The following TNS1 variants were observed in gnomAD, a reference collection of about 807,000 sequenced individuals.
The protein encoded by TNS1 is tensin 1.
Under a neutral mutation model 168.6 loss-of-function variants are expected in TNS1, and 62 were observed. The ratio of observed to expected loss-of-function variants is 0.37; its 90% CI spans 0.30 to 0.45. TNS1 has a LOEUF of 0.45. Ranked by LOEUF, TNS1 falls within the 20% of genes least tolerant of loss-of-function variation. The pLI is 1.00. For synonymous variants in TNS1, 934 were observed against 933.2 expected (o/e 1.00, Z -0.02); for missense variants, 2,240 against 2,339.4 (o/e 0.96, Z 0.88).
intron 19 of TNS1, among the ~76,000 whole-genome samples, chr2:217,837,780 C>T (rs531890153): frequency 3.3e-5 from 5 of 152,346 alleles, no homozygotes; most frequent in Non-Finnish European, 7.3e-5. Context: ...AGCCCTTATT[C>T]GCAGAACAGA....
chr2:217,820,903 A>AC (rs1942746729), intron 23 of TNS1, among the ~76,000 whole-genome samples: 1 of 151,852 alleles, frequency 6.6e-6, no homozygotes, highest in Admixed American at 6.6e-5. Flanking sequence ...CCACCCAGGC[A>AC]TCCCCTAATG....
At chr2:217,927,202 G>A (rs538316972) in intron 3 of TNS1, among the ~76,000 whole-genome samples, 2 of 152,310 alleles carry the variant, frequency 1.3e-5, no homozygotes, top group African/African-American at 4.8e-5. Context: ...GGACATTTGG[G>A]GGTAGGAATT....
chr2:217,882,515 TTAA>T (rs1950780094), intron 16 of TNS1, 104 bp from the exon 17 acceptor site: 1 of 634,104 alleles, frequency 1.6e-6, no homozygotes, highest in Non-Finnish European at 2.7e-6. Context: ...ATGTACATGG[TTAA>T]TAATATAATA....
intron 3 of TNS1, among the ~76,000 whole-genome samples, chr2:217,921,739 C>A (rs1198921871): frequency 1.3e-5 from 2 of 152,202 alleles, no homozygotes; most frequent in African/African-American, 4.8e-5. Flanking sequence ...GGGGGCCGAA[C>A]AGAACCAACA....
intron 3 of TNS1, among the ~76,000 whole-genome samples, chr2:217,962,391 C>T (rs558854052): frequency 5.9e-5 from 9 of 152,124 alleles, no homozygotes; most frequent in African/African-American, 1.7e-4. Flanking sequence ...TGCAGTGAGC[C>T]GAGATCATGC....
chr2:217,968,278 TG>T (rs779769711), intron 3 of TNS1, among the ~76,000 whole-genome samples: 7 of 152,170 alleles, frequency 4.6e-5, no homozygotes, highest in Non-Finnish European at 8.8e-5. Flanking sequence ...AACATTGTAT[TG>T]AAGTTTCCAG....
chr2:217,904,559 TCTC>T (rs1013834460), intron 6 of TNS1, among the ~76,000 whole-genome samples: 11 of 151,930 alleles, frequency 7.2e-5, no homozygotes, highest in Non-Finnish European at 1.6e-4. Flanking sequence ...TCATTTTGTC[TCTC>T]CTCCCATAGC....
intron 2 of TNS1, among the ~76,000 whole-genome samples, chr2:217,979,724 T>C (rs1957993426): frequency 6.6e-6 from 1 of 151,804 alleles, no homozygotes; most frequent in Admixed American, 6.6e-5. Flanking sequence ...GTCTCCCGAG[T>C]TGGGTTTTGC....
Position 218,001,250 on chromosome 2 carries a change from G to A in TNS1, c.33+1590C>T, listed in dbSNP as rs183828747. Among the ~76,000 whole-genome samples the A allele has an allele frequency of 4.4e-3, 671 of 152,252 alleles. 4 individuals carry two copies. Among genetic ancestry groups the A allele is most frequent in the African/African-American group, 0.016 (647 of 41,534 alleles). ...AGACTCTTCCCCTTACTCTCAGGGAGGGTATAACACCCATAGGGCACTCTA... is the reference window on the plus strand; with the variant it reads ...AGACTCTTCCCCTTACTCTCAGGGAAGGTATAACACCCATAGGGCACTCTA... On this transcript the variant is annotated intron_variant, in intron 1 of 32. Coordinates refer to ENST00000682258, the MANE Select transcript of TNS1 (RefSeq NM_001387777.1).
chr2:217,915,024 C>T (rs763307998), intron 4 of TNS1, among the ~76,000 whole-genome samples: 1 of 152,214 alleles, frequency 6.6e-6, no homozygotes, highest in Non-Finnish European at 1.5e-5. Flanking sequence ...TCCCCATGCT[C>T]AGCATCCTCT....
At position 217,953,768 on chromosome 2, in the gene TNS1, G is replaced by A. The variant is rs1420637521; in HGVS notation, c.186+24997C>T. ...GACGTGGGATGTGCTGGCAGGCAGA[G>A]GGAGCCCAGCTCTAAAGAGGCCAGT... On this transcript the variant is annotated intron_variant, in intron 3 of 32. Transcript: ENST00000682258. 3.9e-5 allele frequency among the ~76,000 whole-genome samples: 6 copies of A among 152,286 alleles called. No homozygotes were observed. In the East Asian group the frequency reaches 7.7e-4, roughly 20 times the overall value.
intron 5 of TNS1, 66 bp from the exon 6 acceptor site, chr2:217,906,451 G>T (rs1953717400): frequency 1.4e-6 from 1 of 700,558 alleles, no homozygotes; most frequent in African/African-American, 1.7e-5. Flanking sequence ...CACCTTGCTG[G>T]GTTTGTCAGG....
At chr2:217,885,282 G>A in intron 15 of TNS1, 118 bp from the exon 16 acceptor site, 2 of 1,412,338 alleles carry the variant, frequency 1.4e-6, no homozygotes, top group East Asian at 2.5e-5. Context: ...AACCCGGTGA[G>A]GGAGAGCTCA....
At chr2:217,838,967 C>CTT (rs1945549049) in intron 19 of TNS1, among the ~76,000 whole-genome samples, 1 of 139,720 alleles carries the variant, frequency 7.2e-6, no homozygotes, top group Non-Finnish European at 1.6e-5. Context: ...CTTTCTCAGT[C>CTT]TTTGGCCCCA....
At chr2:217,814,336 G>A (rs1941510146) in intron 25 of TNS1, among the ~76,000 whole-genome samples, 1 of 152,022 alleles carries the variant, frequency 6.6e-6, no homozygotes, top group Admixed American at 6.5e-5. Flanking sequence ...CTCTGTAAAT[G>A]GCCGGAGAGT....
chr2:217,859,743 C>T (rs767652277), intron 18 of TNS1: 31 of 1,457,924 alleles, frequency 2.1e-5, no homozygotes, highest in East Asian at 7.4e-5. Flanking sequence ...TTTCAGAGTT[C>T]GCAATGCCTC....
At chr2:217,931,168 A>T (rs56372827) in intron 3 of TNS1, among the ~76,000 whole-genome samples, 21,361 of 152,204 alleles carry the variant, frequency 0.14, 2,012 homozygotes, top group Non-Finnish European at 0.22. Flanking sequence ...ATTGTAAAAC[A>T]GCCCCAGTAA....
chr2:217,836,044 C>A lies in TNS1; in HGVS notation c.3175G>T (p.Ala1059Ser), dbSNP rs143523583. 2 of 1,613,862 alleles carry A rather than the reference C, an allele frequency of 1.2e-6. No individual in the cohort carries two copies. Among genetic ancestry groups the A allele is most frequent in the Non-Finnish European group, 8.5e-7 (1 of 1,179,840 alleles). ...CVSPELALTI[A>S]LNPGGRPKEP... is the part of the protein sequence containing the mutation. ...TTGGGCCGCCCTCCAGGATTGAGAGCGATGGTAAGAGCCAGCTCCGGGGAG... is the reference window on the plus strand; with the variant it reads ...TTGGGCCGCCCTCCAGGATTGAGAGAGATGGTAAGAGCCAGCTCCGGGGAG... The change falls in exon 20 of 33, where the codon GCT becomes TCT. Residue 1059 changes from alanine to serine, a missense_variant. By Grantham distance (99) the Ala-to-Ser change is moderately conservative. Coordinates refer to ENST00000682258, the MANE Select transcript of TNS1 (RefSeq NM_001387777.1).
chr2:217,949,362 T>C (rs1575130528), intron 3 of TNS1, among the ~76,000 whole-genome samples: 2 of 152,226 alleles, frequency 1.3e-5, no homozygotes, highest in Admixed American at 1.3e-4. Context: ...CAGGGCAGGG[T>C]TTCCCTTGGA....
Sources: allele counts gnomAD v4.1 joint callset (sites outside exome capture counted in the v4.1 genomes callset), GRCh38; gene constraint gnomAD v4.1.1; transcripts MANE v1.5; gene names NCBI Gene and HGNC (gene_info 2026-07-23, HGNC 2026-07-21).